Variants in ACOXL observed in about 807,000 individuals in gnomAD.
ACOXL encodes acyl-CoA oxidase like.
In ACOXL, 70 loss-of-function variants were observed where a neutral mutation model predicts 71.9. That is an observed-to-expected ratio of 0.97 (90% CI 0.80 to 1.19). ACOXL has a LOEUF of 1.19. Ranked by LOEUF, ACOXL falls within the 50% of genes most tolerant of loss-of-function variation. The pLI, the probability that ACOXL is intolerant of heterozygous loss-of-function variation, is 0.00. For missense variants in ACOXL, 703 were observed against 736.3 expected, an observed-to-expected ratio of 0.95 and a Z score of 0.52; for synonymous variants, 253 against 281.6, an observed-to-expected ratio of 0.90 and a Z score of 1.02.
rs552935748 is a variant in ACOXL at position 110,967,357 on chromosome 2, C to G, written c.1060-19751C>G. Among the ~76,000 whole-genome samples the G allele has an allele frequency of 2.6e-5, 4 of 152,198 alleles. No homozygotes were observed. The East Asian group carries it at 7.7e-4, about 29-fold the overall frequency. On this transcript the variant is annotated intron_variant, in intron 12 of 17. Transcript: ENST00000439055. ...TACCCAATCTGAACAACAGAGAAGA[C>G]AAAAATGAACAGAATCACACAGATC... is the stretch of plus-strand genomic sequence containing the variant.
chr2:110,981,336 C>A (rs1053786378), intron 12 of ACOXL, among the ~76,000 whole-genome samples: 1 of 152,148 alleles, frequency 6.6e-6, no homozygotes, highest in Admixed American at 6.5e-5. Context: ...CCTGCCTGGG[C>A]GACAGAGTGA....
intron 14 of ACOXL, among the ~76,000 whole-genome samples, chr2:110,996,843 T>TCC (rs2063417074): frequency 6.6e-6 from 1 of 152,200 alleles, no homozygotes; most frequent in African/African-American, 2.4e-5. Context: ...TAGGAAATGC[T>TCC]TTGGAAACAG....
intron 16 of ACOXL, among the ~76,000 whole-genome samples, chr2:111,078,756 A>G (rs56226558): frequency 0.22 from 33,006 of 152,128 alleles, 4,090 homozygotes; most frequent in East Asian, 0.45. Flanking sequence ...CTTCTCCTTC[A>G]TATGCTGAAA....
intron 10 of ACOXL, among the ~76,000 whole-genome samples, chr2:110,884,177 A>G (rs1697021539): frequency 6.6e-6 from 1 of 152,216 alleles, no homozygotes. Context: ...AAAAGTGGCA[A>G]AACCCAAATG....
At chr2:110,965,659 A>T (rs1386252600) in intron 12 of ACOXL, among the ~76,000 whole-genome samples, 1 of 151,916 alleles carries the variant, frequency 6.6e-6, no homozygotes, top group Non-Finnish European at 1.5e-5. Context: ...GACAATAGGG[A>T]CTCCTGGCCT....
chr2:110,927,857 A>G (rs1227704336), intron 11 of ACOXL, among the ~76,000 whole-genome samples: 1 of 152,232 alleles, frequency 6.6e-6, no homozygotes, highest in Non-Finnish European at 1.5e-5. Flanking sequence ...TCATCTTTGA[A>G]ACGTACATTT....
chr2:110,903,753 G>A (rs62159552), intron 10 of ACOXL, among the ~76,000 whole-genome samples: 11 of 152,372 alleles, frequency 7.2e-5, no homozygotes, highest in African/African-American at 2.6e-4. Flanking sequence ...TGTGAGCTGT[G>A]TTCAGGGCCC....
chr2:110,915,111 T>C (rs2059790402), intron 11 of ACOXL, among the ~76,000 whole-genome samples: 1 of 152,046 alleles, frequency 6.6e-6, no homozygotes, highest in Admixed American at 6.6e-5. Context: ...TTTTTAACTA[T>C]TTTTGTTGTT....
chr2:111,108,214 A>G (rs1398289223), intron 17 of ACOXL, among the ~76,000 whole-genome samples: 2 of 152,166 alleles, frequency 1.3e-5, no homozygotes, highest in South Asian at 2.1e-4. Flanking sequence ...TTTAAATAAA[A>G]TAATAATCAT....
intron 10 of ACOXL, among the ~76,000 whole-genome samples, chr2:110,901,994 C>T (rs1574052964): frequency 6.6e-6 from 1 of 151,048 alleles, no homozygotes; most frequent in Non-Finnish European, 1.5e-5. Context: ...GCCATTGTGC[C>T]ACTGCACTCC....
chr2:110,749,445 G>T (rs1002075992), intron 1 of ACOXL, among the ~76,000 whole-genome samples: 1 of 152,204 alleles, frequency 6.6e-6, no homozygotes, highest in African/African-American at 2.4e-5. Flanking sequence ...GCATTGACAG[G>T]CCGGACAGGG....
intron 10 of ACOXL, among the ~76,000 whole-genome samples, chr2:110,904,941 C>G (rs898428998): frequency 2.0e-5 from 3 of 152,050 alleles, no homozygotes; most frequent in Non-Finnish European, 4.4e-5. Context: ...TGAACTGATT[C>G]ATTTGCATAT....
At chr2:110,802,423 C>T (rs183419281) in intron 8 of ACOXL, among the ~76,000 whole-genome samples, 2 of 152,322 alleles carry the variant, frequency 1.3e-5, no homozygotes. Context: ...GAGCCATAGT[C>T]ATGTTAAATC....
intron 17 of ACOXL, among the ~76,000 whole-genome samples, chr2:111,098,027 GTGATTAAGGTACATATCAAA>G (rs1371356112): frequency 6.6e-6 from 1 of 152,210 alleles, no homozygotes; most frequent in East Asian, 1.9e-4. Flanking sequence ...TCCTAACCAA[GTGATTAAGGTACATATCAAA>G]TGATTAAGGT....
chr2:111,089,594 A>G (rs2068411770), intron 16 of ACOXL, among the ~76,000 whole-genome samples: 1 of 152,224 alleles, frequency 6.6e-6, no homozygotes, highest in South Asian at 2.1e-4. Flanking sequence ...TGACTTTAAA[A>G]TAAATTTAAA....
At chr2:111,008,644 G>A (rs2063989014) in intron 14 of ACOXL, among the ~76,000 whole-genome samples, 2 of 152,164 alleles carry the variant, frequency 1.3e-5, no homozygotes, top group African/African-American at 4.8e-5. Context: ...TTCTAGAAAT[G>A]TTGTTGTTAG....
chr2:111,030,965 A>G (rs138484810), intron 14 of ACOXL, among the ~76,000 whole-genome samples: 4 of 152,312 alleles, frequency 2.6e-5, no homozygotes, highest in African/African-American at 9.6e-5. Context: ...TTATATTAAT[A>G]TGTCCTCACT....
At chr2:110,884,321 A>C (rs1292766385) in intron 10 of ACOXL, among the ~76,000 whole-genome samples, 1 of 152,240 alleles carries the variant, frequency 6.6e-6, no homozygotes, top group Non-Finnish European at 1.5e-5. Context: ...TCGTTAAAGA[A>C]TGTTTCCTTT....
chr2:110,949,321 A>T (rs2061237469), intron 12 of ACOXL, among the ~76,000 whole-genome samples: 1 of 151,292 alleles, frequency 6.6e-6, no homozygotes, highest in African/African-American at 2.4e-5. Context: ...TGACAACTTT[A>T]TCAGCCAGAC....
Sources: gnomAD v4.1 joint callset for allele counts (sites outside exome capture counted in the v4.1 genomes callset) on GRCh38, gnomAD v4.1.1 for gene constraint, MANE v1.5 for transcripts, NCBI Gene and HGNC (gene_info 2026-07-23, HGNC 2026-07-21) for gene names.